The following ENPP6 variants were observed in gnomAD, a reference collection of about 807,000 sequenced individuals.
ENPP6 encodes glycerophosphocholine cholinephosphodiesterase ENPP6.
ENPP6 carries 32 observed loss-of-function variants against 42.0 expected under a neutral mutation model. The observed-to-expected ratio is 0.76, with a 90% CI of 0.58 to 1.02. The LOEUF is 1.02. ENPP6 is among the 50% of genes least tolerant of loss of function. ENPP6 has a pLI of 0.00. For synonymous variants in ENPP6, 213 were observed against 216.0 expected (o/e 0.99, Z 0.12); for missense variants, 552 against 566.8 (o/e 0.97, Z 0.27).
chr4:184,129,820 G>A (rs973370976), intron 2 of ENPP6, among the ~76,000 whole-genome samples: 1 of 152,166 alleles, frequency 6.6e-6, no homozygotes, highest in Admixed American at 6.5e-5. Flanking sequence ...GTATATAACA[G>A]ATGATCTCCT....
chr4:184,100,813 C>T (rs1368365555), intron 6 of ENPP6, among the ~76,000 whole-genome samples: 1 of 152,146 alleles, frequency 6.6e-6, no homozygotes, highest in East Asian at 1.9e-4. Flanking sequence ...ATTTCAGGGC[C>T]GGTTTATTCA....
At chr4:184,157,656 A>G (rs1014105771) in intron 1 of ENPP6, among the ~76,000 whole-genome samples, 2 of 146,920 alleles carry the variant, frequency 1.4e-5, no homozygotes, top group Non-Finnish European at 3.0e-5. Context: ...TTTGTCACCC[A>G]GGCTGGAGTG....
At chr4:184,151,858 G>A (rs983352796) in intron 2 of ENPP6, among the ~76,000 whole-genome samples, 16 of 152,288 alleles carry the variant, frequency 1.1e-4, no homozygotes, top group Middle Eastern at 3.4e-3. Flanking sequence ...AGCCTGCTCC[G>A]TGCAGTGACT....
At chr4:184,162,637 G>A (rs1382035747) in intron 1 of ENPP6, among the ~76,000 whole-genome samples, 1 of 152,058 alleles carries the variant, frequency 6.6e-6, no homozygotes, top group Non-Finnish European at 1.5e-5. Context: ...CAAGACAGAG[G>A]GCTTCCTATT....
intron 1 of ENPP6, among the ~76,000 whole-genome samples, chr4:184,174,129 C>A (rs1189530047): frequency 7.1e-6 from 1 of 141,828 alleles, no homozygotes; most frequent in Non-Finnish European, 1.5e-5. Flanking sequence ...GAAGAGGTCC[C>A]AAATCCTTTT....
chr4:184,115,530 A>T (rs368275735), intron 5 of ENPP6, among the ~76,000 whole-genome samples: 1 of 152,170 alleles, frequency 6.6e-6, no homozygotes, highest in East Asian at 1.9e-4. Context: ...CCATCTTGGC[A>T]CTGTGGGAAC....
chr4:184,129,760 G>A (rs750972016), intron 2 of ENPP6, among the ~76,000 whole-genome samples: 14 of 152,266 alleles, frequency 9.2e-5, no homozygotes, highest in Middle Eastern at 6.8e-3. Flanking sequence ...AAATAATTAT[G>A]CCATTTTATT....
chr4:184,091,916 CAG>C (rs1735811049), intron 7 of ENPP6, among the ~76,000 whole-genome samples: 1 of 152,112 alleles, frequency 6.6e-6, no homozygotes, highest in Non-Finnish European at 1.5e-5. Flanking sequence ...AATCAGCAAA[CAG>C]ACTTTCTTTG....
At position 184,091,318 on chromosome 4, in the gene ENPP6, A is replaced by ATTG. The variant is rs1488523008; in HGVS notation, c.1179_1181dup (p.Asn394dup). ...TGGGCAGCGGGGTGATGCCCACCAC[A>ATTG]TTGCACATGACATTGTAGACGTCCA... On this transcript the variant is annotated inframe_insertion, in exon 8 of 8. Transcript: ENST00000296741. 1 of 1,614,016 alleles carries ATTG rather than the reference A, an allele frequency of 6.2e-7. No individual in the cohort carries two copies. Among genetic ancestry groups the ATTG allele is most frequent in the Non-Finnish European group, 8.5e-7 (1 of 1,180,016 alleles).
chr4:184,091,409 T>C (rs1560975046), intron 7 of ENPP6, 27 bp from the exon 8 acceptor site: 1 of 1,582,632 alleles, frequency 6.3e-7, no homozygotes, highest in Non-Finnish European at 8.6e-7. Flanking sequence ...AACAAACAAG[T>C]TGTCATGGCA....
intron 1 of ENPP6, among the ~76,000 whole-genome samples, chr4:184,198,563 C>T (rs2111113139): frequency 6.6e-6 from 1 of 152,306 alleles, no homozygotes; most frequent in South Asian, 2.1e-4. Context: ...GGCTGGTCAC[C>T]GTTTGCAAGT....
chr4:184,187,050 C>T (rs1214149939), intron 1 of ENPP6, among the ~76,000 whole-genome samples: 5 of 152,134 alleles, frequency 3.3e-5, no homozygotes, highest in African/African-American at 1.2e-4. Context: ...GTTAAGAAAG[C>T]ACTCGTTCCA....
At chr4:184,180,112 G>T (rs1354789420) in intron 1 of ENPP6, among the ~76,000 whole-genome samples, 2 of 151,690 alleles carry the variant, frequency 1.3e-5, no homozygotes, top group Non-Finnish European at 2.9e-5. Context: ...TAATAAAATA[G>T]ACCACTAGCT....
At chr4:184,101,439 G>T (rs1261181775) in intron 6 of ENPP6, among the ~76,000 whole-genome samples, 1 of 151,836 alleles carries the variant, frequency 6.6e-6, no homozygotes, top group Non-Finnish European at 1.5e-5. Context: ...TCGCTCCAAG[G>T]GTCCTGCAGT....
intron 1 of ENPP6, among the ~76,000 whole-genome samples, chr4:184,176,015 C>T (rs572011489): frequency 2.6e-5 from 4 of 152,226 alleles, no homozygotes; most frequent in East Asian, 3.9e-4. Flanking sequence ...TCTCACACTC[C>T]TGGCCTCAAG....
At chr4:184,110,101 C>T (rs1165210255) in intron 6 of ENPP6, among the ~76,000 whole-genome samples, 4 of 152,134 alleles carry the variant, frequency 2.6e-5, no homozygotes, top group Non-Finnish European at 4.4e-5. Flanking sequence ...AGACGTGTCA[C>T]TGGGCATCCT....
chr4:184,199,799 C>CA (rs1180717377), intron 1 of ENPP6, among the ~76,000 whole-genome samples: 1 of 152,186 alleles, frequency 6.6e-6, no homozygotes, highest in Non-Finnish European at 1.5e-5. Flanking sequence ...TAAAACAGGG[C>CA]AAGGGACACA....
At chr4:184,117,320 G>A (rs1238371753) in intron 4 of ENPP6, among the ~76,000 whole-genome samples, 1 of 152,224 alleles carries the variant, frequency 6.6e-6, no homozygotes, top group Admixed American at 6.5e-5. Flanking sequence ...CAACAAATTT[G>A]TGTGCTGGTT....
In ENPP6 at chr4:184,184,153, A is replaced by G. The variant is rs1179053696; in HGVS notation, c.242-30420T>C. On this transcript the variant is annotated intron_variant, in intron 1 of 7. Transcript: ENST00000296741. This position sits in a 1 kb window ranked among gnomAD's most constrained non-coding sequence, Gnocchi z 4.7. ...CTGAGATGTTAGAGTGTGAGTGAAC[A>G]GCGGTAAGTTTTATCTTAACTACCG... is the stretch of plus-strand genomic sequence containing the variant. Among the ~76,000 whole-genome samples, 1 of 152,244 alleles carries G rather than the reference A, an allele frequency of 6.6e-6. No individual in the cohort carries two copies. Among genetic ancestry groups the G allele is most frequent in the East Asian group, 1.9e-4 (1 of 5,204 alleles).
Sources: gnomAD v4.1 joint callset for allele counts (sites outside exome capture counted in the v4.1 genomes callset) on GRCh38, gnomAD v4.1.1 for gene constraint, Gnocchi (gnomAD v3.1) non-coding constraint, MANE v1.5 for transcripts, NCBI Gene and HGNC (gene_info 2026-07-23, HGNC 2026-07-21) for gene names.